The following ARHGAP8 variants were observed in gnomAD, a reference collection of about 807,000 sequenced individuals.
ARHGAP8 encodes rho GTPase-activating protein 8.
ARHGAP8 carries 62 observed loss-of-function variants against 46.1 expected under a neutral mutation model. The ratio of observed to expected loss-of-function variants is 1.34; its 90% CI spans 1.10 to 1.66. ARHGAP8 has a LOEUF of 1.66. Among genes scored for constraint, ARHGAP8 ranks in the 40% most tolerant of loss-of-function variants. ARHGAP8 has a pLI of 0.00. For missense variants in ARHGAP8, 923 were observed against 568.4 expected, an observed-to-expected ratio of 1.62 and a Z score of -6.34; for synonymous variants, 375 against 243.1, an observed-to-expected ratio of 1.54 and a Z score of -5.05.
At chr22:44,860,573 G>T (rs539003883) in intron 11 of ARHGAP8, among the ~76,000 whole-genome samples, 31 of 151,902 alleles carry the variant, frequency 2.0e-4, no homozygotes, top group African/African-American at 7.2e-4. Flanking sequence ...AACGGCCCTC[G>T]TTCCAAATAA....
intron 1 of ARHGAP8, 88 bp from the exon 2 acceptor site, chr22:44,786,369 G>T: frequency 6.7e-7 from 1 of 1,491,124 alleles, no homozygotes; most frequent in South Asian, 1.3e-5. Flanking sequence ...AGAGGTGGGT[G>T]ACTGTCTTAT....
chr22:44,783,564 C>T (rs1927000206), intron 1 of ARHGAP8, among the ~76,000 whole-genome samples: 1 of 152,182 alleles, frequency 6.6e-6, no homozygotes, highest in African/African-American at 2.4e-5. Context: ...CTGCACCCAC[C>T]TCCCCTAGGT....
chr22:44,821,721 C>T (rs1387620469), intron 5 of ARHGAP8, among the ~76,000 whole-genome samples: 1 of 152,210 alleles, frequency 6.6e-6, no homozygotes, highest in African/African-American at 2.4e-5. Flanking sequence ...TCCGCCCTCA[C>T]TTAGGAGGGA....
chr22:44,792,352 C>T (rs960818660), intron 2 of ARHGAP8, among the ~76,000 whole-genome samples: 1 of 152,178 alleles, frequency 6.6e-6, no homozygotes, highest in African/African-American at 2.4e-5. Flanking sequence ...GAGAACATCC[C>T]CAGATGGCCC....
At chr22:44,856,856 C>G (rs1455733984) in intron 10 of ARHGAP8, among the ~76,000 whole-genome samples, 2 of 144,538 alleles carry the variant, frequency 1.4e-5, no homozygotes, top group Admixed American at 1.3e-4. Flanking sequence ...GGTCCAAATT[C>G]AGAAAGGAAG....
chr22:44,755,358 T>G (rs1372161206), intron 1 of ARHGAP8, among the ~76,000 whole-genome samples: 1 of 152,270 alleles, frequency 6.6e-6, no homozygotes, highest in African/African-American at 2.4e-5. Context: ...TGCCGGTGAC[T>G]ACCCTTCAAA....
intron 1 of ARHGAP8, among the ~76,000 whole-genome samples, chr22:44,767,528 G>A (rs937347461): frequency 4.6e-5 from 7 of 151,896 alleles, no homozygotes; most frequent in African/African-American, 1.2e-4. Flanking sequence ...TTCAAATCCC[G>A]CAGTTGTCCC....
chr22:44,847,055 A>AG (rs2147163228), intron 8 of ARHGAP8, among the ~76,000 whole-genome samples: 1 of 152,242 alleles, frequency 6.6e-6, no homozygotes, highest in South Asian at 2.1e-4. Context: ...TGGGAGGAGA[A>AG]GGGGAGGTCA....
chr22:44,782,962 T>A (rs943613426), intron 1 of ARHGAP8, among the ~76,000 whole-genome samples: 35 of 152,130 alleles, frequency 2.3e-4, no homozygotes, highest in Non-Finnish European at 7.3e-5. Context: ...GATGGGGGTG[T>A]CCACGTGGCT....
At chr22:44,853,847 G>A (rs908979923) in intron 10 of ARHGAP8, among the ~76,000 whole-genome samples, 5 of 151,720 alleles carry the variant, frequency 3.3e-5, no homozygotes, top group African/African-American at 4.8e-5. Flanking sequence ...GACCAACATG[G>A]AGAAATCCCA....
intron 7 of ARHGAP8, among the ~76,000 whole-genome samples, chr22:44,835,498 A>G (rs893158749): frequency 6.6e-6 from 1 of 152,118 alleles, no homozygotes. Flanking sequence ...GCAGGCGCCT[A>G]TAGGCCCAGC....
chr22:44,799,771 G>A (rs956101856), intron 2 of ARHGAP8, among the ~76,000 whole-genome samples: 2 of 148,168 alleles, frequency 1.3e-5, no homozygotes. Context: ...TCTGTTCTCC[G>A]TGTCCCTGAG....
intron 10 of ARHGAP8, chr22:44,849,297 GTC>G (rs1298138644): frequency 4.6e-6 from 3 of 655,322 alleles, no homozygotes; most frequent in East Asian, 3.3e-5. Flanking sequence ...GTCCAGGCCG[GTC>G]TCTCAGGCAC....
At chr22:44,787,919 CTT>C (rs1194920444) in intron 2 of ARHGAP8, among the ~76,000 whole-genome samples, 1,063 of 89,052 alleles carry the variant, frequency 0.012, 19 homozygotes, top group African/African-American at 0.04. Context: ...CCCAAATGTC[CTT>C]TTTTTTTTTT....
At chr22:44,858,389 T>C (rs951705894) in intron 10 of ARHGAP8, among the ~76,000 whole-genome samples, 1 of 149,566 alleles carries the variant, frequency 6.7e-6, no homozygotes, top group Non-Finnish European at 1.5e-5. Context: ...TTTTTTGAGA[T>C]GGAGTTTCAC....
At chr22:44,817,456 CAT>C (rs1929832089) in intron 5 of ARHGAP8, among the ~76,000 whole-genome samples, 1 of 152,214 alleles carries the variant, frequency 6.6e-6, no homozygotes, top group Non-Finnish European at 1.5e-5. Flanking sequence ...CCCTATGTGA[CAT>C]GTGACATATT....
rs138839703 is a variant in ARHGAP8, at chr22:44,840,812, C to G, written c.597-4457C>G. 1.5e-3 allele frequency among the ~76,000 whole-genome samples: 233 copies of G among 152,302 alleles called. 2 individuals carry two copies. The highest frequency in any genetic ancestry group is 5.3e-3 in the African/African-American group (220 of 41,578). ...GTTCATAGATGGTGCCTCCCGGCCG[C>G]GTCCTCGCGTGGAGAAAGGGGAAGC... On this transcript the variant is annotated intron_variant, in intron 7 of 11. Transcript: ENST00000356099.
At chr22:44,831,922 A>G (rs1002070897) in intron 7 of ARHGAP8, among the ~76,000 whole-genome samples, 1 of 151,996 alleles carries the variant, frequency 6.6e-6, no homozygotes, top group African/African-American at 2.4e-5. Context: ...TTTTTTTTCA[A>G]TATTGTTTAG....
intron 10 of ARHGAP8, among the ~76,000 whole-genome samples, chr22:44,852,879 T>G (rs2070131244): frequency 6.6e-6 from 1 of 152,188 alleles, no homozygotes; most frequent in Non-Finnish European, 1.5e-5. Context: ...CTCGGCTCAG[T>G]GCAACCTCCA....
Sources: gnomAD v4.1 joint callset for allele counts (sites outside exome capture counted in the v4.1 genomes callset) on GRCh38, gnomAD v4.1.1 for gene constraint, MANE v1.5 for transcripts, NCBI Gene and HGNC (gene_info 2026-07-23, HGNC 2026-07-21) for gene names.